The following STX16 variants were observed in gnomAD, a reference collection of about 807,000 sequenced individuals.
The protein encoded by STX16 is syntaxin 16.
STX16 carries 28 observed loss-of-function variants against 42.7 expected under a neutral mutation model. The observed-to-expected ratio is 0.66, with a 90% CI of 0.49 to 0.90. The LOEUF (loss-of-function observed/expected upper bound fraction) is 0.90, where lower values mean the gene tolerates loss of function less well. Ranked by LOEUF, STX16 falls within the 40% of genes least tolerant of loss-of-function variation. The probability of loss-of-function intolerance (pLI) is 0.00; values close to 1 mark genes in which losing one functional copy is unlikely to be tolerated. For synonymous variants in STX16, 156 were observed against 155.2 expected, an observed-to-expected ratio of 1.00 and a Z score of -0.04; for missense variants, 361 against 420.9, an observed-to-expected ratio of 0.86 and a Z score of 1.24.
intron 1 of STX16, among the ~76,000 whole-genome samples, chr20:58,655,976 TTGGCCTCAGTTTTGAGTGCCCCA>T (rs2083576770): frequency 6.6e-6 from 1 of 152,200 alleles, no homozygotes; most frequent in African/African-American, 2.4e-5. Flanking sequence ...GCATTTTACT[TTGGCCTCAGTTTTGAGTGCCCCA>T]TCACGTTCAT....
At chr20:58,664,613 C>T (rs1355996024) in intron 2 of STX16, among the ~76,000 whole-genome samples, 4 of 152,166 alleles carry the variant, frequency 2.6e-5, no homozygotes, top group Non-Finnish European at 4.4e-5. Flanking sequence ...TTTTGATTTA[C>T]ATCTAATTTG....
chr20:58,658,692 C>A (rs927056898), intron 1 of STX16, among the ~76,000 whole-genome samples: 4 of 151,750 alleles, frequency 2.6e-5, no homozygotes, highest in East Asian at 1.9e-4. Flanking sequence ...GTGATCAATA[C>A]TGTACAAAAA....
chr20:58,657,077 T>G lies in STX16; in HGVS notation c.133-2546T>G, dbSNP rs979680015. ...TGGTGTTGGCTGCATTTTCAGAACT[T>G]GTGCTGCAGATCCTGGAAAATGGAA... On this transcript the variant is annotated intron_variant, in intron 1 of 8. Coordinates refer to ENST00000371141, the MANE Select transcript of STX16 (RefSeq NM_001001433.3). This position sits in a 1 kb window ranked among gnomAD's most constrained non-coding sequence, Gnocchi z 4.2. Among the ~76,000 whole-genome samples, 1 of 152,234 alleles carries G rather than the reference T, an allele frequency of 6.6e-6. No homozygotes were observed. The highest frequency in any genetic ancestry group is 2.4e-5 in the African/African-American group (1 of 41,458).
At chr20:58,673,928 T>C (rs576156151) in intron 8 of STX16, among the ~76,000 whole-genome samples, 3 of 152,268 alleles carry the variant, frequency 2.0e-5, no homozygotes, top group Non-Finnish European at 4.4e-5. Context: ...TATCTCACAC[T>C]TAAATCCAAA....
intron 7 of STX16, 30 bp from the exon 8 acceptor site, chr20:58,673,601 G>C (rs746046298): frequency 2.0e-6 from 3 of 1,485,788 alleles, no homozygotes; most frequent in Non-Finnish European, 2.8e-6. Flanking sequence ...TGCTATTGTT[G>C]ATTGTCTGTA....
intron 5 of STX16, 122 bp downstream of exon 5, chr20:58,669,575 ATACCTT>A: frequency 7.4e-6 from 9 of 1,217,714 alleles, no homozygotes; most frequent in Non-Finnish European, 9.0e-6. Context: ...GAACATGCTC[ATACCTT>A]GTACAGTAAA....
chr20:58,654,882 ATT>A (rs1376482419), intron 1 of STX16, among the ~76,000 whole-genome samples: 1 of 152,212 alleles, frequency 6.6e-6, no homozygotes, highest in East Asian at 1.9e-4. Flanking sequence ...ATTGTTACTC[ATT>A]GTTAAGTCTA....
intron 2 of STX16, among the ~76,000 whole-genome samples, chr20:58,664,257 T>C (rs2083766047): frequency 6.6e-6 from 1 of 152,242 alleles, no homozygotes; most frequent in Non-Finnish European, 1.5e-5. Context: ...TCAACAATTG[T>C]TTTCCCTTCC....
chr20:58,663,867 G>A (rs564514085), intron 2 of STX16, among the ~76,000 whole-genome samples: 11 of 152,032 alleles, frequency 7.2e-5, no homozygotes, highest in Non-Finnish European at 1.0e-4. Context: ...CAGTAGAGAC[G>A]GGGTTTCACC....
chr20:58,664,276 ACT>A (rs2083766470), intron 2 of STX16, among the ~76,000 whole-genome samples: 1 of 152,210 alleles, frequency 6.6e-6, no homozygotes, highest in African/African-American at 2.4e-5. Context: ...CCCAAAACAT[ACT>A]GTCTTGTTTT....
chr20:58,661,141 T>C (rs1003917108), intron 2 of STX16, among the ~76,000 whole-genome samples: 7 of 152,148 alleles, frequency 4.6e-5, no homozygotes, highest in African/African-American at 1.4e-4. Flanking sequence ...TTTGAAGATA[T>C]GGAGCTTATG....
chr20:58,660,304 T>C (rs1028671189), intron 2 of STX16, among the ~76,000 whole-genome samples: 6 of 152,252 alleles, frequency 3.9e-5, no homozygotes, highest in African/African-American at 1.4e-4. Flanking sequence ...TTGTGTCTAT[T>C]GTCTGTTTCA....
At position 58,657,186 on chromosome 20, in the gene STX16, A is replaced by G. The variant is rs2083604110; in HGVS notation, c.133-2437A>G. Among the ~76,000 whole-genome samples the G allele has an allele frequency of 2.0e-5, 3 of 152,226 alleles. No individual in the cohort carries two copies. On this transcript the variant is annotated intron_variant, in intron 1 of 8. Coordinates refer to ENST00000371141, the MANE Select transcript of STX16 (RefSeq NM_001001433.3). This position sits in a 1 kb window ranked among gnomAD's most constrained non-coding sequence, Gnocchi z 4.2. ...TCACTTTATGAACCTTACATAGTCA[A>G]TTTTAACTTGCAGATTGAAGATTCT... is the stretch of plus-strand genomic sequence containing the variant.
At chr20:58,660,542 T>G (rs536670942) in intron 2 of STX16, among the ~76,000 whole-genome samples, 39 of 152,078 alleles carry the variant, frequency 2.6e-4, no homozygotes, top group Non-Finnish European at 5.3e-4. Context: ...GAGCACAGCC[T>G]AAATAGCCTT....
At chr20:58,652,266 T>G in intron 1 of STX16, 128 bp downstream of exon 1, 1 of 1,377,752 alleles carries the variant, frequency 7.3e-7, no homozygotes, top group Non-Finnish European at 9.9e-7. Flanking sequence ...AATAATAAGA[T>G]CTCTTGGCTA....
intron 7 of STX16, 31 bp from the exon 8 acceptor site, chr20:58,673,600 T>C: frequency 6.7e-7 from 1 of 1,481,568 alleles, no homozygotes; most frequent in Non-Finnish European, 9.4e-7. Flanking sequence ...TTGCTATTGT[T>C]GATTGTCTGT....
chr20:58,653,118 A>G (rs543686041), intron 1 of STX16, among the ~76,000 whole-genome samples: 3 of 152,360 alleles, frequency 2.0e-5, no homozygotes, highest in African/African-American at 7.2e-5. Flanking sequence ...TACCTGCTGT[A>G]GGCAGACTAG....
Position 58,651,586 on chromosome 20 carries a change from C to G in STX16, c.-421C>G, listed in dbSNP as rs557592494. The G allele has an allele frequency of 6.9e-5, 12 of 174,598 alleles. No homozygotes were observed. The highest frequency in any genetic ancestry group is 6.4e-4 in the South Asian group (6 of 9,312). The allele number at this position is 174,598 out of a possible 1,614,324, so 10.8% of individuals were successfully genotyped here. A position where few individuals can be genotyped will look rare whatever the true frequency, so the allele number is the denominator to read the frequency against. On this transcript the variant is annotated 5_prime_UTR_variant, in exon 1 of 9. Transcript: ENST00000371141. ...AGGGCACGGCCTAGACGCTTACGAG[C>G]CAAAGTTAGGGGTAGAGAGCAGAGA... is the stretch of plus-strand genomic sequence containing the variant.
chr20:58,651,839 T>A lies in STX16; in HGVS notation c.-168T>A. The A allele has an allele frequency of 1.5e-6, 1 of 672,232 alleles. No individual in the cohort carries two copies. Among genetic ancestry groups the A allele is most frequent in the Non-Finnish European group, 2.5e-6 (1 of 394,554 alleles). The allele number at this position is 672,232 out of a possible 1,614,324, so 41.6% of individuals were successfully genotyped here. ...AGGTAGTTATTTGGGGAGGGGTCTC[T>A]ACGCCTTGGCGAAGCGCACAGCTGC... On this transcript the variant is annotated 5_prime_UTR_variant, in exon 1 of 9. Transcript: ENST00000371141.
Sources: gnomAD v4.1 joint callset for allele counts (sites outside exome capture counted in the v4.1 genomes callset) on GRCh38, gnomAD v4.1.1 for gene constraint, Gnocchi (gnomAD v3.1) non-coding constraint, MANE v1.5 for transcripts, NCBI Gene and HGNC (gene_info 2026-07-23, HGNC 2026-07-21) for gene names.